AK8: variants seen among roughly 807,000 people sequenced by gnomAD.
The protein encoded by AK8 is ATP-AMP transphosphorylase 8.
In AK8, 44 loss-of-function variants were observed where a neutral mutation model predicts 54.6. The ratio of observed to expected loss-of-function variants is 0.81; its 90% CI spans 0.63 to 1.04. The LOEUF is 1.04. AK8 is among the 50% of genes least tolerant of loss of function. The pLI, the probability that AK8 is intolerant of heterozygous loss-of-function variation, is 0.00. For missense variants in AK8, 555 were observed against 613.6 expected (o/e 0.90, Z 1.01); for synonymous variants, 239 against 245.6 (o/e 0.97, Z 0.25).
intron 8 of AK8, among the ~76,000 whole-genome samples, chr9:132,824,787 T>G (rs901780281): frequency 6.6e-6 from 1 of 152,220 alleles, no homozygotes; most frequent in African/African-American, 2.4e-5. Context: ...CCCCTCTTTT[T>G]AGAAGGCAGA....
intron 11 of AK8, among the ~76,000 whole-genome samples, chr9:132,754,786 AT>A (rs1465764711): frequency 6.8e-6 from 1 of 146,644 alleles, no homozygotes; most frequent in African/African-American, 2.5e-5. Flanking sequence ...ATTACCACTG[AT>A]TTTTGTTTTT....
In AK8 at chr9:132,774,669, C is replaced by T. The variant is rs187986018; in HGVS notation, c.1121+17965G>A. ...TCTCTGGGAAATAAATTTAAGTGAA[C>T]GGTCGAGCATCGCGCCTGCCAAAAA... On this transcript the variant is annotated intron_variant, in intron 11 of 12. Coordinates refer to ENST00000298545, the MANE Select transcript of AK8 (RefSeq NM_152572.3). Among the ~76,000 whole-genome samples the T allele has an allele frequency of 7.2e-5, 11 of 152,272 alleles. No individual in the cohort carries two copies. In the East Asian group the frequency reaches 2.1e-3, roughly 29 times the overall value.
At chr9:132,780,858 A>C (rs1245411285) in intron 11 of AK8, among the ~76,000 whole-genome samples, 1 of 151,966 alleles carries the variant, frequency 6.6e-6, no homozygotes, top group Non-Finnish European at 1.5e-5. Context: ...CTCCTTTTAC[A>C]TCCTTTTCCG....
chr9:132,726,346 A>T (rs1473058793), intron 12 of AK8, among the ~76,000 whole-genome samples: 1 of 137,866 alleles, frequency 7.3e-6, no homozygotes, highest in Non-Finnish European at 1.5e-5. Context: ...ACAGGGTCTC[A>T]CTCTCTTGCC....
At chr9:132,782,382 T>G (rs1839514468) in intron 11 of AK8, among the ~76,000 whole-genome samples, 3 of 152,150 alleles carry the variant, frequency 2.0e-5, no homozygotes, top group Admixed American at 1.3e-4. Context: ...TTCACATAGC[T>G]GATGCGCTCA....
intron 11 of AK8, among the ~76,000 whole-genome samples, chr9:132,745,088 G>T (rs1564378016): frequency 1.3e-5 from 2 of 152,114 alleles, no homozygotes; most frequent in African/African-American, 4.8e-5. Flanking sequence ...ATTGCCCAAA[G>T]CGCTCTGTTC....
At chr9:132,849,816 G>A (rs1032025531) in intron 5 of AK8, among the ~76,000 whole-genome samples, 3 of 151,428 alleles carry the variant, frequency 2.0e-5, no homozygotes, top group Admixed American at 6.6e-5. Flanking sequence ...GGTGCGTGTC[G>A]GCTCACTGCA....
At chr9:132,824,275 A>C (rs1290429470) in intron 8 of AK8, among the ~76,000 whole-genome samples, 1 of 152,210 alleles carries the variant, frequency 6.6e-6, no homozygotes, top group East Asian at 1.9e-4. Context: ...CCAGCGTTCA[A>C]AACAGGGCAT....
intron 5 of AK8, among the ~76,000 whole-genome samples, chr9:132,831,372 T>C (rs1421705991): frequency 6.6e-6 from 1 of 152,250 alleles, no homozygotes; most frequent in Non-Finnish European, 1.5e-5. Context: ...AGTTGTTTTT[T>C]ATGTCCCTCA....
intron 11 of AK8, among the ~76,000 whole-genome samples, chr9:132,731,659 T>A (rs988518512): frequency 1.3e-5 from 2 of 152,240 alleles, no homozygotes; most frequent in African/African-American, 4.8e-5. Context: ...ACTTCCTCAG[T>A]AAATGACGAG....
chr9:132,748,425 C>T (rs913043026), intron 11 of AK8, among the ~76,000 whole-genome samples: 1 of 151,660 alleles, frequency 6.6e-6, no homozygotes, highest in Non-Finnish European at 1.5e-5. Flanking sequence ...CGACCTTTCA[C>T]CCAGGTGCCA....
upstream of AK8, chr9:132,878,463 C>T: frequency 1.6e-6 from 2 of 1,221,678 alleles, no homozygotes; most frequent in South Asian, 4.2e-5. This position sits in a 1 kb window ranked among gnomAD's most constrained non-coding sequence, Gnocchi z 4.7. Flanking sequence ...ACCCCGGCCT[C>T]GCTTTTCCCA....
chr9:132,823,738 C>A (rs1016554505), intron 8 of AK8, among the ~76,000 whole-genome samples: 1 of 152,222 alleles, frequency 6.6e-6, no homozygotes, highest in East Asian at 1.9e-4. Context: ...GCCTCCCAAC[C>A]GGAAGCCCCG....
rs1008922444 is a variant in AK8 at position 132,781,199 on chromosome 9, G to A, written c.1121+11435C>T. The stretch of plus-strand genomic sequence containing the variant: ...TCTTTTTTTTTACTATTATTATTAC[G>A]TTTTAACAAACTTTATAGCCCATTT... On this transcript the variant is annotated intron_variant, in intron 11 of 12. Transcript: ENST00000298545. This position sits in a 1 kb window ranked among gnomAD's most constrained non-coding sequence, Gnocchi z 4.6. Among the ~76,000 whole-genome samples the A allele has an allele frequency of 5.9e-5, 9 of 151,466 alleles. No homozygotes were observed. The highest frequency in any genetic ancestry group is 1.5e-4 in the African/African-American group (6 of 41,110).
intron 11 of AK8, among the ~76,000 whole-genome samples, chr9:132,749,167 C>T (rs1351830289): frequency 1.3e-4 from 20 of 152,010 alleles, no homozygotes. Context: ...AGCCACTGCG[C>T]CCAGTAAATA....
intron 11 of AK8, among the ~76,000 whole-genome samples, chr9:132,756,989 A>G (rs886083681): frequency 6.6e-6 from 1 of 152,166 alleles, no homozygotes; most frequent in Non-Finnish European, 1.5e-5. Context: ...TTGCCTCTCT[A>G]TCATGATCAA....
chr9:132,798,189 C>G (rs142089549), intron 10 of AK8, among the ~76,000 whole-genome samples: 1 of 152,140 alleles, frequency 6.6e-6, no homozygotes, highest in Non-Finnish European at 1.5e-5. Context: ...AGTGGCAGCA[C>G]GCAGGGTTGA....
intron 11 of AK8, among the ~76,000 whole-genome samples, chr9:132,778,270 G>T (rs2131116096): frequency 6.6e-6 from 1 of 152,314 alleles, no homozygotes; most frequent in Middle Eastern, 3.4e-3. Flanking sequence ...CAATTAATGA[G>T]GAGTAAGATA....
At chr9:132,795,216 G>C (rs1262789194) in intron 10 of AK8, among the ~76,000 whole-genome samples, 3 of 152,208 alleles carry the variant, frequency 2.0e-5, no homozygotes, top group African/African-American at 4.8e-5. Context: ...CCTCTCCCCA[G>C]AAGGAGTCGG....
Sources: allele counts gnomAD v4.1 joint callset (sites outside exome capture counted in the v4.1 genomes callset), GRCh38; gene constraint gnomAD v4.1.1; non-coding constraint Gnocchi (gnomAD v3.1); transcripts MANE v1.5; gene names NCBI Gene and HGNC (gene_info 2026-07-23, HGNC 2026-07-21).